PTPRM: variants seen among roughly 807,000 people sequenced by gnomAD.
PTPRM encodes receptor-type tyrosine-protein phosphatase mu.
Under a neutral mutation model 186.7 loss-of-function variants are expected in PTPRM, and 47 were observed. That is an observed-to-expected ratio of 0.25 (90% confidence interval 0.20 to 0.32). The LOEUF is 0.32. Ranked by LOEUF, PTPRM falls within the 10% of genes least tolerant of loss-of-function variation. The probability of loss-of-function intolerance (pLI) is 1.00; values close to 1 mark genes in which losing one functional copy is unlikely to be tolerated. For missense variants in PTPRM, 1,494 were observed against 1,865.0 expected (o/e 0.80, Z 3.66); for synonymous variants, 668 against 674.9 (o/e 0.99, Z 0.16).
rs528973216 is a variant in PTPRM at position 7,943,208 on chromosome 18, C to T, written c.664-5973C>T. 5.3e-5 allele frequency among the ~76,000 whole-genome samples: 8 copies of T among 152,236 alleles called. No homozygotes were observed. In the South Asian group the frequency reaches 1.7e-3, roughly 32 times the overall value. ...TTCTGTCTTCACACTGTCATTCCCCCGCTCTTCTCCAGTGTAGACGGCATG... is the reference window on the plus strand; with the variant it reads ...TTCTGTCTTCACACTGTCATTCCCCTGCTCTTCTCCAGTGTAGACGGCATG... On this transcript the variant is annotated intron_variant, in intron 5 of 32. Coordinates refer to ENST00000580170, the MANE Select transcript of PTPRM (RefSeq NM_001105244.2).
chr18:7,839,503 A>G (rs2046219132), intron 2 of PTPRM, among the ~76,000 whole-genome samples: 1 of 152,166 alleles, frequency 6.6e-6, no homozygotes, highest in African/African-American at 2.4e-5. Flanking sequence ...AGAAGCTGGA[A>G]AGGGGGCCTC....
intron 11 of PTPRM, among the ~76,000 whole-genome samples, chr18:8,092,841 A>G (rs2090820052): frequency 6.6e-6 from 1 of 152,038 alleles, no homozygotes. Context: ...CAAACAAAAA[A>G]CATAGCGGAG....
Position 7,750,509 on chromosome 18 carries a change from A to G in PTPRM, c.74-23640A>G, listed in dbSNP as rs182949330. On this transcript the variant is annotated intron_variant, in intron 1 of 32. Transcript: ENST00000580170. The stretch of plus-strand genomic sequence containing the variant: ...ACATTCCTCGTATCAGTCTTTACTC[A>G]GCTGTTCAGAATGACTTTTTACTGG... 3.5e-4 allele frequency among the ~76,000 whole-genome samples: 54 copies of G among 152,272 alleles called. No homozygotes were observed. The East Asian group carries it at 9.7e-3, about 27-fold the overall frequency.
chr18:8,183,934 A>G (rs559034121), intron 14 of PTPRM, among the ~76,000 whole-genome samples: 2 of 152,282 alleles, frequency 1.3e-5, no homozygotes, highest in East Asian at 3.9e-4. Context: ...CCATGAGTAG[A>G]AGTCCACTCT....
At chr18:8,180,497 G>A (rs551350743) in intron 14 of PTPRM, among the ~76,000 whole-genome samples, 1 of 152,306 alleles carries the variant, frequency 6.6e-6, no homozygotes, top group African/African-American at 2.4e-5. Flanking sequence ...AGAGTCAAGT[G>A]CATGTTTTGA....
chr18:8,070,945 G>A (rs1225698796), intron 8 of PTPRM, among the ~76,000 whole-genome samples: 3 of 152,062 alleles, frequency 2.0e-5, no homozygotes, highest in South Asian at 2.1e-4. Flanking sequence ...CTACTTTATC[G>A]TTTCATTTAA....
intron 14 of PTPRM, among the ~76,000 whole-genome samples, chr18:8,196,825 C>T (rs559469326): frequency 6.6e-6 from 1 of 152,302 alleles, no homozygotes; most frequent in African/African-American, 2.4e-5. Flanking sequence ...CTTGATGTCA[C>T]CTCAGGGCAG....
At chr18:7,787,139 T>C (rs2043130697) in intron 2 of PTPRM, among the ~76,000 whole-genome samples, 1 of 152,238 alleles carries the variant, frequency 6.6e-6, no homozygotes, top group South Asian at 2.1e-4. Flanking sequence ...TTCACCATAA[T>C]GTATTTTCTC....
intron 4 of PTPRM, among the ~76,000 whole-genome samples, chr18:7,911,066 C>A (rs1451758211): frequency 6.6e-6 from 1 of 152,160 alleles, no homozygotes; most frequent in Non-Finnish European, 1.5e-5. Context: ...CTTCACTTAG[C>A]GTGTTTCAAA....
At chr18:8,289,551 C>CACATATATATACGT (rs1318286908) in intron 19 of PTPRM, among the ~76,000 whole-genome samples, 3 of 77,718 alleles carry the variant, frequency 3.9e-5, no homozygotes, top group Admixed American at 1.4e-4. Flanking sequence ...TATATATATA[C>CACATATATATACGT]ATATATATAC....
chr18:8,217,121 G>A (rs1210519765), intron 14 of PTPRM, among the ~76,000 whole-genome samples: 1 of 152,216 alleles, frequency 6.6e-6, no homozygotes, highest in Admixed American at 6.5e-5. Flanking sequence ...TGAGATGTTA[G>A]TTTAAGTTGG....
intron 2 of PTPRM, among the ~76,000 whole-genome samples, chr18:7,838,976 A>G (rs1199701210): frequency 6.6e-6 from 1 of 152,194 alleles, no homozygotes; most frequent in Admixed American, 6.5e-5. Context: ...GAGTACTGCC[A>G]GACTACCACC....
At chr18:8,092,859 A>G (rs993446831) in intron 11 of PTPRM, among the ~76,000 whole-genome samples, 1 of 152,154 alleles carries the variant, frequency 6.6e-6, no homozygotes, top group Non-Finnish European at 1.5e-5. Context: ...GAGCATGGGT[A>G]TGTGCCTGCA....
chr18:8,201,515 G>T (rs2093856647), intron 14 of PTPRM, among the ~76,000 whole-genome samples: 1 of 152,102 alleles, frequency 6.6e-6, no homozygotes. Context: ...TTATTAGTCT[G>T]CTCAGGCTTC....
chr18:7,679,831 AT>A (rs2039438521), intron 1 of PTPRM, among the ~76,000 whole-genome samples: 1 of 151,930 alleles, frequency 6.6e-6, no homozygotes, highest in African/African-American at 2.4e-5. Context: ...TTGTCATGCA[AT>A]TTTTAACTTT....
chr18:8,388,014 C>G (rs1388092076), intron 31 of PTPRM, among the ~76,000 whole-genome samples: 1 of 151,486 alleles, frequency 6.6e-6, no homozygotes, highest in Non-Finnish European at 1.5e-5. Flanking sequence ...GGAGTGGGGC[C>G]CAGACATGGG....
chr18:8,027,464 T>C (rs1037567669), intron 7 of PTPRM, among the ~76,000 whole-genome samples: 1 of 152,226 alleles, frequency 6.6e-6, no homozygotes, highest in Non-Finnish European at 1.5e-5. Context: ...CTATTTTATA[T>C]GGAAATGTGT....
At chr18:7,798,746 A>T (rs1370451030) in intron 2 of PTPRM, among the ~76,000 whole-genome samples, 2 of 151,718 alleles carry the variant, frequency 1.3e-5, no homozygotes, top group Non-Finnish European at 2.9e-5. Flanking sequence ...TCTTCTTAAC[A>T]CTCTTTTTGC....
At chr18:8,257,347 C>T (rs2094584158) in intron 19 of PTPRM, among the ~76,000 whole-genome samples, 1 of 152,164 alleles carries the variant, frequency 6.6e-6, no homozygotes, top group African/African-American at 2.4e-5. Context: ...CCAAAAGCAC[C>T]TCCTGTGTCA....
Sources: gnomAD v4.1 joint callset for allele counts (sites outside exome capture counted in the v4.1 genomes callset) on GRCh38, gnomAD v4.1.1 for gene constraint, MANE v1.5 for transcripts, NCBI Gene and HGNC (gene_info 2026-07-23, HGNC 2026-07-21) for gene names.